Variants in NRXN3 observed in about 807,000 individuals in gnomAD.
NRXN3 encodes neurexin III.
In NRXN3, 32 loss-of-function variants were observed where a neutral mutation model predicts 137.6. That is an observed-to-expected ratio of 0.23 (90% CI 0.18 to 0.31). The LOEUF (loss-of-function observed/expected upper bound fraction) is 0.31. Ranked by LOEUF, NRXN3 falls within the 10% of genes least tolerant of loss-of-function variation. The pLI is 1.00. For missense variants in NRXN3, 1,574 were observed against 2,062.5 expected (o/e 0.76, Z 4.59); for synonymous variants, 798 against 784.5 (o/e 1.02, Z -0.29).
At chr14:78,802,509 T>A (rs1313183667) in intron 8 of NRXN3, among the ~76,000 whole-genome samples, 2 of 152,214 alleles carry the variant, frequency 1.3e-5, no homozygotes, top group African/African-American at 4.8e-5. Flanking sequence ...GTTGTGCACA[T>A]GTACCCTAAA....
chr14:78,268,389 T>C (rs143409173), intron 2 of NRXN3, among the ~76,000 whole-genome samples: 169 of 152,334 alleles, frequency 1.1e-3, no homozygotes, highest in African/African-American at 3.9e-3. Context: ...TAATCCTTTC[T>C]CTGAAATATG....
chr14:79,018,168 A>T lies in NRXN3; in HGVS notation c.3262+30027A>T, dbSNP rs547213329. ...CCAGCTACTCGGGAGGCTGAGGCAG[A>T]ACAGTTGCTTGAACCTGGGAGACGA... On this transcript the variant is annotated intron_variant, in intron 15 of 20. Transcript: ENST00000335750. Among the ~76,000 whole-genome samples, 12 of 148,436 alleles carry T rather than the reference A, an allele frequency of 8.1e-5. No individual in the cohort carries two copies. The South Asian group carries it at 2.4e-3, about 30-fold the overall frequency.
chr14:79,545,657 C>T (rs557129904), intron 16 of NRXN3, among the ~76,000 whole-genome samples: 33 of 151,504 alleles, frequency 2.2e-4, no homozygotes, highest in East Asian at 5.8e-4. Context: ...AGATTGTATT[C>T]GGAGGGCTTG....
chr14:78,625,347 A>T (rs1335966124), intron 4 of NRXN3, among the ~76,000 whole-genome samples: 1 of 152,234 alleles, frequency 6.6e-6, no homozygotes, highest in Non-Finnish European at 1.5e-5. Flanking sequence ...TACCCAAAAG[A>T]TATTAATCTT....
intron 10 of NRXN3, among the ~76,000 whole-genome samples, chr14:78,873,502 C>T (rs1307908413): frequency 6.6e-6 from 1 of 152,060 alleles, no homozygotes; most frequent in Non-Finnish European, 1.5e-5. Flanking sequence ...TGAGTGTGGC[C>T]TTTATTCATT....
At chr14:78,616,962 C>A (rs768001442) in intron 4 of NRXN3, among the ~76,000 whole-genome samples, 7 of 152,270 alleles carry the variant, frequency 4.6e-5, no homozygotes, top group Non-Finnish European at 8.8e-5. Flanking sequence ...GTTGCATTAT[C>A]GACTTCCTGG....
chr14:79,233,300 G>A (rs1266814632), intron 15 of NRXN3, among the ~76,000 whole-genome samples: 1 of 152,226 alleles, frequency 6.6e-6, no homozygotes, highest in East Asian at 1.9e-4. Context: ...CATGTGGTGG[G>A]AGTCAACTGT....
intron 10 of NRXN3, among the ~76,000 whole-genome samples, chr14:78,909,850 G>A (rs1372584126): frequency 6.6e-6 from 1 of 152,006 alleles, no homozygotes; most frequent in African/African-American, 2.4e-5. Flanking sequence ...TTTTAGATCT[G>A]TCTTTTTCTC....
At chr14:79,525,588 T>C (rs1310683104) in intron 16 of NRXN3, among the ~76,000 whole-genome samples, 1 of 152,230 alleles carries the variant, frequency 6.6e-6, no homozygotes, top group African/African-American at 2.4e-5. Context: ...GATTAAAATA[T>C]ACTCTTTGCA....
chr14:79,576,491 G>A (rs1162523926), intron 16 of NRXN3, among the ~76,000 whole-genome samples: 2 of 152,194 alleles, frequency 1.3e-5, no homozygotes, highest in Admixed American at 1.3e-4. Flanking sequence ...AATGTTAAGT[G>A]ATTTGCTTAT....
chr14:79,488,743 C>T (rs2096681717), intron 16 of NRXN3, among the ~76,000 whole-genome samples: 1 of 152,180 alleles, frequency 6.6e-6, no homozygotes, highest in Admixed American at 6.5e-5. Flanking sequence ...GTGTCTTAAA[C>T]TTCTCAGTAA....
rs562071790 is a variant in NRXN3 at position 79,240,434 on chromosome 14, T to C, written c.3263-226787T>C. 1.2e-3 allele frequency among the ~76,000 whole-genome samples: 188 copies of C among 152,270 alleles called. 1 individual carries two copies. Among genetic ancestry groups the C allele is most frequent in the Non-Finnish European group, 2.3e-3 (159 of 67,998 alleles). On this transcript the variant is annotated intron_variant, in intron 15 of 20. Transcript: ENST00000335750. Reference sequence around the variant, plus strand: ...AATACTCTTATGTTAGTTTCCCTTATGGTCCCTAACAGCCTTTATCTGTTA... The same window carrying C: ...AATACTCTTATGTTAGTTTCCCTTACGGTCCCTAACAGCCTTTATCTGTTA...
At chr14:78,518,337 C>T (rs1205120468) in intron 4 of NRXN3, among the ~76,000 whole-genome samples, 1 of 152,068 alleles carries the variant, frequency 6.6e-6, no homozygotes, top group East Asian at 1.9e-4. Context: ...GGAAGGATTG[C>T]AGTCTTTATG....
intron 15 of NRXN3, among the ~76,000 whole-genome samples, chr14:79,117,507 A>C (rs2054645735): frequency 6.6e-6 from 1 of 152,168 alleles, no homozygotes; most frequent in Admixed American, 6.5e-5. Flanking sequence ...GCTGTCCCTA[A>C]AGGATTTTTA....
In NRXN3 at chr14:79,417,588, C is replaced by T. The variant is rs1418437653; in HGVS notation, c.3263-49633C>T. 2.0e-5 allele frequency among the ~76,000 whole-genome samples: 3 copies of T among 152,132 alleles called. No homozygotes were observed. In the East Asian group the frequency reaches 5.8e-4, roughly 29 times the overall value. On this transcript the variant is annotated intron_variant, in intron 15 of 20. Transcript: ENST00000335750. ...CAGTGGAACCCATCTGTGAAGAAGC[C>T]CTTCATAGCAGTAATATCCTGGGGC...
At chr14:78,928,393 G>A (rs1035670047) in intron 10 of NRXN3, among the ~76,000 whole-genome samples, 3 of 151,894 alleles carry the variant, frequency 2.0e-5, no homozygotes, top group East Asian at 1.9e-4. Context: ...TTGGTGTGCC[G>A]CACCCAGTAA....
rs980969545 is a variant in NRXN3 at position 78,272,972 on chromosome 14, A to G, written c.710-5673A>G. ...CCCCCACTTTTTGTCTATTAAAAAA[A>G]TCAATATACACATATGTATACACGC... On this transcript the variant is annotated intron_variant, in intron 2 of 20. Coordinates refer to ENST00000335750, the MANE Select transcript of NRXN3 (RefSeq NM_001330195.2). 2.0e-5 allele frequency among the ~76,000 whole-genome samples: 3 copies of G among 152,334 alleles called. No individual in the cohort carries two copies. The East Asian group carries it at 5.8e-4, about 29-fold the overall frequency.
intron 8 of NRXN3, among the ~76,000 whole-genome samples, chr14:78,725,931 T>G (rs1468075572): frequency 6.6e-6 from 1 of 152,210 alleles, no homozygotes; most frequent in East Asian, 1.9e-4. Context: ...TCATTCTTAA[T>G]TTATATCTGA....
intron 20 of NRXN3, among the ~76,000 whole-genome samples, chr14:79,842,863 G>A (rs977908053): frequency 6.6e-6 from 1 of 151,862 alleles, no homozygotes; most frequent in African/African-American, 2.4e-5. Flanking sequence ...CTGTTACTTG[G>A]TATTCTCTCA....
Sources: allele counts gnomAD v4.1 joint callset (sites outside exome capture counted in the v4.1 genomes callset), GRCh38; gene constraint gnomAD v4.1.1; transcripts MANE v1.5; gene names NCBI Gene and HGNC (gene_info 2026-07-23, HGNC 2026-07-21).